The following OR2L13 variants were observed in gnomAD, a reference collection of about 807,000 sequenced individuals.
The protein encoded by OR2L13 is olfactory receptor family 2 subfamily L member 13, also known as olfactory receptor 2L13.
In OR2L13, 14 loss-of-function variants were observed where a neutral mutation model predicts 15.3. That is an observed-to-expected ratio of 0.91 (90% confidence interval 0.60 to 1.43). OR2L13 has a LOEUF of 1.43. Ranked by LOEUF, OR2L13 falls within the 40% of genes most tolerant of loss-of-function variation. OR2L13 has a pLI of 0.00. For missense variants in OR2L13, 367 were observed against 387.9 expected (o/e 0.95, Z 0.45); for synonymous variants, 152 against 142.9 (o/e 1.06, Z -0.45).
chr1:248,070,715 T>G, the OR2L13 span, among the ~76,000 whole-genome samples: 2 of 151,810 alleles, frequency 1.3e-5, no homozygotes, highest in African/African-American at 2.4e-5. Flanking sequence ...TCAACAAAAT[T>G]GATAGACCAC....
the OR2L13 span, chr1:247,966,140 C>T: frequency 6.2e-7 from 1 of 1,614,080 alleles, no homozygotes; most frequent in Non-Finnish European, 8.5e-7. Context: ...TATGCAACCA[C>T]TCTCTTTACC....
At chr1:248,043,374 C>T in the OR2L13 span, among the ~76,000 whole-genome samples, 2 of 152,054 alleles carry the variant, frequency 1.3e-5, no homozygotes, top group African/African-American at 4.8e-5. Context: ...AGGCAACAGT[C>T]CCACGGCCAC....
the OR2L13 span, among the ~76,000 whole-genome samples, chr1:247,999,128 C>G: frequency 6.6e-6 from 1 of 152,084 alleles, no homozygotes. Context: ...GGATTCTTCC[C>G]CCTGTTGTAA....
chr1:247,964,969 A>C, the OR2L13 span, among the ~76,000 whole-genome samples: 1 of 149,720 alleles, frequency 6.7e-6, no homozygotes, highest in Non-Finnish European at 1.5e-5. Context: ...TAAAAGATAT[A>C]TAACTATGAG....
At chr1:248,018,542 G>C in the OR2L13 span, among the ~76,000 whole-genome samples, 2 of 152,094 alleles carry the variant, frequency 1.3e-5, no homozygotes, top group South Asian at 4.1e-4. Context: ...TAAAATAATT[G>C]CTCTGTAGAG....
chr1:247,993,809 GA>G, the OR2L13 span, among the ~76,000 whole-genome samples: 1 of 132,920 alleles, frequency 7.5e-6, no homozygotes, highest in Admixed American at 7.1e-5. Context: ...GAGAGAGAGA[GA>G]GAAAGAAAGA....
the OR2L13 span, among the ~76,000 whole-genome samples, chr1:248,004,548 G>A: frequency 4.6e-5 from 7 of 152,084 alleles, no homozygotes; most frequent in South Asian, 2.1e-4. Flanking sequence ...TTTCAACTTA[G>A]GGAAGTTATT....
chr1:248,070,745 G>A, the OR2L13 span, among the ~76,000 whole-genome samples: 3 of 152,004 alleles, frequency 2.0e-5, no homozygotes, highest in South Asian at 4.2e-4. Context: ...TAATAAAGAA[G>A]AAAAGAGAGA....
At chr1:247,981,850 C>G in the OR2L13 span, among the ~76,000 whole-genome samples, 1 of 150,792 alleles carries the variant, frequency 6.6e-6, no homozygotes, top group Non-Finnish European at 1.5e-5. Flanking sequence ...GAGTCTCGCT[C>G]TGTCGCCCAG....
chr1:247,958,111 G>A, the OR2L13 span, among the ~76,000 whole-genome samples: 2 of 152,098 alleles, frequency 1.3e-5, no homozygotes, highest in African/African-American at 4.8e-5. Context: ...ATACTGCTTT[G>A]AATGTGTCCC....
At chr1:248,011,833 G>A in the OR2L13 span, among the ~76,000 whole-genome samples, 1 of 152,176 alleles carries the variant, frequency 6.6e-6, no homozygotes, top group Admixed American at 6.5e-5. Context: ...CAATCCTCCT[G>A]CCCTCAGTAT....
the OR2L13 span, among the ~76,000 whole-genome samples, chr1:248,080,133 A>ATT: frequency 6.6e-6 from 1 of 151,358 alleles, no homozygotes; most frequent in African/African-American, 2.4e-5. Context: ...ACAGATACAT[A>ATT]TTTTTTTTTA....
chr1:248,068,501 T>A, the OR2L13 span, among the ~76,000 whole-genome samples: 2 of 151,920 alleles, frequency 1.3e-5, no homozygotes, highest in African/African-American at 4.8e-5. Flanking sequence ...CATCTGTACA[T>A]CACCATCATC....
At chr1:248,090,050 C>T in the OR2L13 span, among the ~76,000 whole-genome samples, 1 of 152,114 alleles carries the variant, frequency 6.6e-6, no homozygotes, top group Non-Finnish European at 1.5e-5. Context: ...AAAAACTTAC[C>T]TGTAGCCATC....
chr1:248,073,202 A>G, the OR2L13 span, among the ~76,000 whole-genome samples: 21 of 152,096 alleles, frequency 1.4e-4, no homozygotes, highest in Admixed American at 2.0e-4. Flanking sequence ...CACTATTCAC[A>G]ATAGCAAAGA....
the OR2L13 span, among the ~76,000 whole-genome samples, chr1:247,983,340 G>C: frequency 1.3e-5 from 2 of 152,144 alleles, no homozygotes; most frequent in Non-Finnish European, 2.9e-5. Flanking sequence ...CGCCCGGGTT[G>C]AATGTTTGGT....
the OR2L13 span, among the ~76,000 whole-genome samples, chr1:248,060,195 T>G: frequency 2.0e-5 from 3 of 152,204 alleles, no homozygotes; most frequent in East Asian, 5.8e-4. Flanking sequence ...TCTGAATTAG[T>G]GTCAGGCAGT....
chr1:248,082,347 TG>T, the OR2L13 span, among the ~76,000 whole-genome samples: 12 of 716 alleles, frequency 0.017, no homozygotes, highest in Admixed American at 0.029. Context: ...TGTGGTGGGG[TG>T]GGGGGTGGGG....
At chr1:248,093,455 G>C (rs1404348485), upstream of OR2L13, among the ~76,000 whole-genome samples, 2 of 152,136 alleles carry the variant, frequency 1.3e-5, no homozygotes, top group Non-Finnish European at 2.9e-5. Flanking sequence ...TTTGCACTGA[G>C]TTAAATGCAA....
Sources: allele counts gnomAD v4.1 joint callset (sites outside exome capture counted in the v4.1 genomes callset), GRCh38; gene constraint gnomAD v4.1.1; transcripts MANE v1.5; gene names NCBI Gene and HGNC (gene_info 2026-07-23, HGNC 2026-07-21).